The following MAP2K1 variants were observed in gnomAD, a reference collection of about 807,000 sequenced individuals.
MAP2K1 encodes the protein dual specificity mitogen-activated protein kinase kinase 1.
In MAP2K1, 16 loss-of-function variants were observed where a neutral mutation model predicts 46.3. That is an observed-to-expected ratio of 0.35 (90% CI 0.23 to 0.52). The LOEUF is 0.52. Among genes scored for constraint, MAP2K1 ranks in the 20% least tolerant of loss-of-function variants. The pLI is 0.94. For synonymous variants in MAP2K1, 183 were observed against 185.6 expected (o/e 0.99, Z 0.11); for missense variants, 263 against 497.1 (o/e 0.53, Z 4.48).
chr15:66,456,084 C>CT (rs1241568133), intron 5 of MAP2K1, among the ~76,000 whole-genome samples: 1 of 152,140 alleles, frequency 6.6e-6, no homozygotes, highest in African/African-American at 2.4e-5. Flanking sequence ...CCTCCTCAGT[C>CT]TTTTCCCCCA....
chr15:66,462,663 T>C (rs1297683560), intron 5 of MAP2K1, among the ~76,000 whole-genome samples: 1 of 151,392 alleles, frequency 6.6e-6, no homozygotes, highest in African/African-American at 2.4e-5. Context: ...GTGACATACA[T>C]GATAAAAAAC....
chr15:66,431,461 T>A (rs1045653406), intron 1 of MAP2K1, among the ~76,000 whole-genome samples: 8 of 152,016 alleles, frequency 5.3e-5, no homozygotes, highest in Middle Eastern at 3.2e-3. Flanking sequence ...AAAAAAAAAA[T>A]TGAGTATTTT....
rs140451628 is a variant in MAP2K1 at position 66,478,009 on chromosome 15, C to T, written c.569-3746C>T. 1.4e-3 allele frequency among the ~76,000 whole-genome samples: 212 copies of T among 152,090 alleles called. 1 individual carries two copies. The highest frequency in any genetic ancestry group is 4.8e-3 in the African/African-American group (199 of 41,470). ...ACAAGCAACTGCTGGACTCATGCCT[C>T]GGCTGAAGTGTTTGTGGGCTCTGTC... is the stretch of plus-strand genomic sequence containing the variant. On this transcript the variant is annotated intron_variant, in intron 5 of 10. Coordinates refer to ENST00000307102, the MANE Select transcript of MAP2K1 (RefSeq NM_002755.4).
intron 1 of MAP2K1, among the ~76,000 whole-genome samples, chr15:66,392,631 G>A (rs191535750): frequency 2.1e-5 from 3 of 146,076 alleles, no homozygotes; most frequent in Non-Finnish European, 3.0e-5. Context: ...TCGGCTCACC[G>A]CAACCTCCGC....
chr15:66,479,525 T>G (rs1401868934), intron 5 of MAP2K1, among the ~76,000 whole-genome samples: 1 of 152,200 alleles, frequency 6.6e-6, no homozygotes, highest in Non-Finnish European at 1.5e-5. Context: ...TGCAAAGATT[T>G]GTATCCTGTG....
intron 3 of MAP2K1, among the ~76,000 whole-genome samples, chr15:66,438,659 T>C (rs958799690): frequency 8.5e-5 from 13 of 152,146 alleles, no homozygotes; most frequent in Admixed American, 6.5e-4. Context: ...GGTCAGTTTT[T>C]CCCCCCATGG....
At chr15:66,485,331 A>AAGC in intron 7 of MAP2K1, 140 bp downstream of exon 7, 2 of 819,398 alleles carry the variant, frequency 2.4e-6, no homozygotes, top group Non-Finnish European at 3.8e-6. Context: ...GGGCCAGGGG[A>AAGC]AGCAGCAAGG....
intron 1 of MAP2K1, among the ~76,000 whole-genome samples, chr15:66,399,397 T>G (rs1360844023): frequency 6.6e-6 from 1 of 152,242 alleles, no homozygotes; most frequent in African/African-American, 2.4e-5. Flanking sequence ...TTTGTGCTGC[T>G]TGTCTACATT....
chr15:66,452,393 A>G (rs1233122910), intron 5 of MAP2K1, among the ~76,000 whole-genome samples: 1 of 152,026 alleles, frequency 6.6e-6, no homozygotes, highest in Non-Finnish European at 1.5e-5. Context: ...GAAAGTATCA[A>G]TAAGAGGTAG....
chr15:66,440,315 C>T (rs1051063680), intron 3 of MAP2K1, among the ~76,000 whole-genome samples: 1 of 152,142 alleles, frequency 6.6e-6, no homozygotes, highest in African/African-American at 2.4e-5. Context: ...TGGTCTTGAA[C>T]TCTTGGGCTC....
chr15:66,411,179 TG>T (rs1034449024), intron 1 of MAP2K1, among the ~76,000 whole-genome samples: 2 of 152,156 alleles, frequency 1.3e-5, no homozygotes, highest in Non-Finnish European at 2.9e-5. Flanking sequence ...ATGCGAATCC[TG>T]CCTGGATTGT....
Position 66,443,258 on chromosome 15 carries a change from G to T in MAP2K1, c.439-22G>T, listed in dbSNP as rs758059146. The T allele has an allele frequency of 2.6e-5, 38 of 1,465,076 alleles. No homozygotes were observed. In the Admixed American group the frequency reaches 6.4e-4, roughly 25 times the overall value. The allele number at this position is 1,465,076 out of a possible 1,614,324, so 90.8% of individuals were successfully genotyped here. A position where few individuals can be genotyped will look rare whatever the true frequency, so the allele number is the denominator to read the frequency against. ...AATAGTTAGAACATTGTCACTAACT[G>T]GTCTGGTATTCTCGATCTTAGGATG... On this transcript the variant is annotated intron_variant, in intron 3 of 10. Transcript: ENST00000307102.
At chr15:66,454,129 G>C (rs1408123945) in intron 5 of MAP2K1, among the ~76,000 whole-genome samples, 1 of 151,928 alleles carries the variant, frequency 6.6e-6, no homozygotes, top group African/African-American at 2.4e-5. Flanking sequence ...GTAGCAAGAG[G>C]GGGTAAACCC....
At chr15:66,481,722 G>T in intron 5 of MAP2K1, 33 bp from the exon 6 acceptor site, 1 of 1,608,880 alleles carries the variant, frequency 6.2e-7, no homozygotes, top group South Asian at 1.1e-5. Context: ...ACCTGTGTCA[G>T]TTCCCTCCTT....
intron 5 of MAP2K1, among the ~76,000 whole-genome samples, chr15:66,470,988 G>T (rs1004350807): frequency 6.6e-6 from 1 of 152,152 alleles, no homozygotes; most frequent in African/African-American, 2.4e-5. Context: ...AGGGGGCTTC[G>T]AGGTCCCAGG....
intron 5 of MAP2K1, among the ~76,000 whole-genome samples, chr15:66,481,261 T>C (rs1892908350): frequency 6.6e-6 from 1 of 152,094 alleles, no homozygotes; most frequent in African/African-American, 2.4e-5. Flanking sequence ...ACCCACATGC[T>C]CCATGCCTGG....
At chr15:66,490,135 A>G (rs1465879261) in intron 10 of MAP2K1, 5 of 512,942 alleles carry the variant, frequency 9.7e-6, no homozygotes, top group Non-Finnish European at 1.8e-5. Flanking sequence ...CAGTGGAAAT[A>G]GCTAAGTAAT....
At chr15:66,470,606 G>A (rs1892609409) in intron 5 of MAP2K1, among the ~76,000 whole-genome samples, 2 of 152,182 alleles carry the variant, frequency 1.3e-5, no homozygotes, top group South Asian at 2.1e-4. Context: ...TTGGGAGATC[G>A]GGGATTCTCT....
At chr15:66,490,407 A>G (rs746203655) in intron 10 of MAP2K1, 95 bp from the exon 11 acceptor site, 53 of 918,706 alleles carry the variant, frequency 5.8e-5, no homozygotes, top group Non-Finnish European at 9.0e-5. Flanking sequence ...GTGCAGCACA[A>G]GCTCTAGACC....
Sources: gnomAD v4.1 joint callset for allele counts (sites outside exome capture counted in the v4.1 genomes callset) on GRCh38, gnomAD v4.1.1 for gene constraint, MANE v1.5 for transcripts, NCBI Gene and HGNC (gene_info 2026-07-23, HGNC 2026-07-21) for gene names.